The following TGFA variants were observed in gnomAD, a reference collection of about 807,000 sequenced individuals.
TGFA encodes the protein transforming growth factor alpha.
Under a neutral mutation model 21.7 loss-of-function variants are expected in TGFA, and 12 were observed. That is an observed-to-expected ratio of 0.55 (90% CI 0.35 to 0.90). The LOEUF is 0.90. Among genes scored for constraint, TGFA ranks in the 40% least tolerant of loss-of-function variants. The pLI is 0.01. For missense variants in TGFA, 178 were observed against 210.8 expected (o/e 0.84, Z 0.96); for synonymous variants, 79 against 88.1 (o/e 0.90, Z 0.58).
At chr2:70,470,975 TA>T (rs1232331236) in intron 2 of TGFA, among the ~76,000 whole-genome samples, 3 of 152,148 alleles carry the variant, frequency 2.0e-5, no homozygotes, top group Non-Finnish European at 4.4e-5. Flanking sequence ...AATCAATATA[TA>T]ATAAGTACCA....
intron 5 of TGFA, chr2:70,451,795 C>T (rs1553489659): frequency 1.4e-6 from 1 of 699,436 alleles, no homozygotes; most frequent in Non-Finnish European, 2.6e-6. Context: ...CTTTAGAGGC[C>T]CTGGTTCTCA....
In TGFA at chr2:70,448,552, A is replaced by G. The variant is rs1669954916; in HGVS notation, c.*2307T>C. The G allele has an allele frequency of 6.6e-6, 1 of 152,258 alleles. No homozygotes were observed. Among genetic ancestry groups the G allele is most frequent in the African/African-American group, 2.4e-5 (1 of 41,472 alleles). 9.4% of individuals were successfully genotyped at this position (152,258 alleles called of 1,614,324 possible). ...TTTTTGCAGCTAACCAAAGACTACC[A>G]TTGCCATTAAATGGCAGAGGGATCC... is the stretch of plus-strand genomic sequence containing the variant. On this transcript the variant is annotated 3_prime_UTR_variant, in exon 6 of 6. Transcript: ENST00000295400.
intron 3 of TGFA, 64 bp downstream of exon 3, chr2:70,465,552 C>A: frequency 6.3e-7 from 1 of 1,599,290 alleles, no homozygotes. Context: ...GAGGTAAATG[C>A]TCTTCTAATT....
chr2:70,456,816 T>A (rs1177019402), intron 3 of TGFA, among the ~76,000 whole-genome samples: 4 of 151,756 alleles, frequency 2.6e-5, no homozygotes, highest in Admixed American at 6.6e-5. Context: ...ATAAGCCTCA[T>A]GTTGGCAGTT....
intron 1 of TGFA, among the ~76,000 whole-genome samples, chr2:70,545,609 T>C (rs1673279449): frequency 6.6e-6 from 1 of 152,028 alleles, no homozygotes; most frequent in Non-Finnish European, 1.5e-5. Flanking sequence ...AAATTATAGA[T>C]AAAATATTTC....
intron 1 of TGFA, among the ~76,000 whole-genome samples, chr2:70,518,056 G>A (rs1553501819): frequency 6.6e-6 from 1 of 152,242 alleles, no homozygotes; most frequent in African/African-American, 2.4e-5. Context: ...GATGGGGAGA[G>A]GACAGCCACA....
chr2:70,453,213 C>T lies in TGFA; in HGVS notation c.475+5G>A. ...GTGTCTCCCACCAGAGAAGAGTCTC[C>T]TTACCTGTTTCTGAGTGGCAGCAAG... On this transcript the variant is annotated splice_donor_5th_base_variant and intron_variant, in intron 5 of 5. Coordinates refer to ENST00000295400, the MANE Select transcript of TGFA (RefSeq NM_003236.4). The T allele has an allele frequency of 6.2e-7, 1 of 1,613,440 alleles. No homozygotes were observed. Among genetic ancestry groups the T allele is most frequent in the South Asian group, 1.1e-5 (1 of 91,036 alleles).
chr2:70,478,990 T>C (rs1553494957), intron 2 of TGFA, among the ~76,000 whole-genome samples: 1 of 151,940 alleles, frequency 6.6e-6, no homozygotes, highest in Non-Finnish European at 1.5e-5. Context: ...ACTTCCTCCT[T>C]CTTTTTCTTC....
At chr2:70,471,806 G>A (rs1670759141) in intron 2 of TGFA, among the ~76,000 whole-genome samples, 1 of 152,148 alleles carries the variant, frequency 6.6e-6, no homozygotes, top group Non-Finnish European at 1.5e-5. Context: ...CTGAAGCTTA[G>A]ACAACCTTGT....
intron 2 of TGFA, among the ~76,000 whole-genome samples, chr2:70,509,495 T>G (rs1553500671): frequency 6.6e-6 from 1 of 152,182 alleles, no homozygotes. Flanking sequence ...CTGATAATGG[T>G]GACATTCCCC....
At chr2:70,500,546 T>C (rs1252146756) in intron 2 of TGFA, among the ~76,000 whole-genome samples, 2 of 152,204 alleles carry the variant, frequency 1.3e-5, no homozygotes, top group African/African-American at 4.8e-5. Flanking sequence ...ACTACTTTTT[T>C]TCCAAGAGCA....
At position 70,450,613 on chromosome 2, in the gene TGFA, C is replaced by A; in HGVS notation, c.*246G>T. ...AGGTGAACAGGAGTCCGTCTCTTTG[C>A]AGTTCTTTTTTAACAAGTCTTGAAA... is the stretch of plus-strand genomic sequence containing the variant. On this transcript the variant is annotated 3_prime_UTR_variant, in exon 6 of 6. Coordinates refer to ENST00000295400, the MANE Select transcript of TGFA (RefSeq NM_003236.4). The A allele has an allele frequency of 5.7e-6, 3 of 528,206 alleles. No homozygotes were observed. 32.7% of individuals were successfully genotyped at this position (528,206 alleles called of 1,614,324 possible).
intron 2 of TGFA, chr2:70,467,401 T>G (rs1670602303): frequency 6.6e-6 from 1 of 152,140 alleles, no homozygotes; most frequent in Non-Finnish European, 1.5e-5. Context: ...TCTCAGGGTT[T>G]TCCATCCCTG....
intron 2 of TGFA, among the ~76,000 whole-genome samples, chr2:70,510,062 T>G (rs1672045020): frequency 6.6e-6 from 1 of 152,186 alleles, no homozygotes; most frequent in Non-Finnish European, 1.5e-5. Flanking sequence ...TCCCCAACCA[T>G]GCTATTGATT....
rs929633816 is a variant in TGFA, at chr2:70,542,591, G to A, written c.40+11137C>T. Among the ~76,000 whole-genome samples, 3 of 152,146 alleles carry A rather than the reference G, an allele frequency of 2.0e-5. No homozygotes were observed. The East Asian group carries it at 5.8e-4, about 29-fold the overall frequency. On this transcript the variant is annotated intron_variant, in intron 1 of 5. Transcript: ENST00000295400. The stretch of plus-strand genomic sequence containing the variant: ...TATAAGCATTGGTTGTGCACCTAAT[G>A]GACACAATGGTAAATTTGGAGGTTT...
chr2:70,528,356 G>A (rs993407654), intron 1 of TGFA, among the ~76,000 whole-genome samples: 2 of 152,218 alleles, frequency 1.3e-5, no homozygotes, highest in African/African-American at 4.8e-5. Context: ...GCTTCGGTCA[G>A]TAGCTGATCT....
chr2:70,549,647 C>G (rs1553506503), intron 1 of TGFA, among the ~76,000 whole-genome samples: 1 of 152,216 alleles, frequency 6.6e-6, no homozygotes, highest in African/African-American at 2.4e-5. Flanking sequence ...ACCAAACCTC[C>G]TCTTCCCGTT....
At chr2:70,543,021 T>C (rs1673178850) in intron 1 of TGFA, among the ~76,000 whole-genome samples, 1 of 151,784 alleles carries the variant, frequency 6.6e-6, no homozygotes. Flanking sequence ...GAGAATCGCT[T>C]GAACCCGGGA....
At chr2:70,495,086 A>G (rs1553498158) in intron 2 of TGFA, among the ~76,000 whole-genome samples, 1 of 152,188 alleles carries the variant, frequency 6.6e-6, no homozygotes, top group Non-Finnish European at 1.5e-5. Context: ...AAGTATTTCA[A>G]TCACCTAGAA....
Sources: allele counts gnomAD v4.1 joint callset (sites outside exome capture counted in the v4.1 genomes callset), GRCh38; gene constraint gnomAD v4.1.1; transcripts MANE v1.5; gene names NCBI Gene and HGNC (gene_info 2026-07-23, HGNC 2026-07-21).